The following DHX15 variants were observed in gnomAD, a reference collection of about 807,000 sequenced individuals.
DHX15 encodes DEAH-box helicase 15.
In DHX15, 11 loss-of-function variants were observed where a neutral mutation model predicts 94.4. The observed-to-expected ratio is 0.12, with a 90% CI of 0.07 to 0.19. The LOEUF is 0.19. Ranked by LOEUF, DHX15 falls within the 10% of genes least tolerant of loss-of-function variation. The pLI is 1.00. For synonymous variants in DHX15, 338 were observed against 329.9 expected, an observed-to-expected ratio of 1.02 and a Z score of -0.27; for missense variants, 304 against 988.5, an observed-to-expected ratio of 0.31 and a Z score of 9.29.
rs540256482 is a variant in DHX15 at position 24,549,255 on chromosome 4, T to C, written c.1081-233A>G. Reference sequence around the variant, plus strand: ...GAATATATAACTGCCTTATTTGCATTCCACACCCCTTTTCTTAGAGTCAGA... The same window carrying C: ...GAATATATAACTGCCTTATTTGCATCCCACACCCCTTTTCTTAGAGTCAGA... On this transcript the variant is annotated intron_variant, in intron 5 of 13. Transcript: ENST00000336812. Among the ~76,000 whole-genome samples the C allele has an allele frequency of 2.1e-3, 323 of 152,340 alleles. 3 individuals are homozygous for C. Among genetic ancestry groups the C allele is most frequent in the African/African-American group, 7.5e-3 (313 of 41,578 alleles).
At chr4:24,529,146 C>A (rs73246465) in intron 13 of DHX15, among the ~76,000 whole-genome samples, 3 of 152,078 alleles carry the variant, frequency 2.0e-5, no homozygotes, top group Non-Finnish European at 4.4e-5. Flanking sequence ...GCCCAGCTTC[C>A]CCAGTAGCTG....
At chr4:24,543,699 C>A (rs1016837036) in intron 6 of DHX15, among the ~76,000 whole-genome samples, 1 of 152,046 alleles carries the variant, frequency 6.6e-6, no homozygotes, top group African/African-American at 2.4e-5. Context: ...GTTTGGTATA[C>A]GTGCATGTTT....
At chr4:24,539,740 T>C (rs1343558072) in intron 10 of DHX15, 1 of 156,804 alleles carries the variant, frequency 6.4e-6, no homozygotes, top group Admixed American at 6.5e-5. Context: ...TTAATAGAGC[T>C]AAGTACTAGA....
At chr4:24,565,793 T>C (rs1721979217) in intron 3 of DHX15, among the ~76,000 whole-genome samples, 1 of 152,218 alleles carries the variant, frequency 6.6e-6, no homozygotes, top group African/African-American at 2.4e-5. Flanking sequence ...TGCTGACTGA[T>C]GCACCCCTAA....
chr4:24,562,628 C>T (rs890607773), intron 3 of DHX15, among the ~76,000 whole-genome samples: 1 of 152,212 alleles, frequency 6.6e-6, no homozygotes, highest in African/African-American at 2.4e-5. Flanking sequence ...ACACTCTTAA[C>T]TAGCCTCCAT....
At chr4:24,566,446 A>T (rs1721994257) in intron 3 of DHX15, among the ~76,000 whole-genome samples, 1 of 152,164 alleles carries the variant, frequency 6.6e-6, no homozygotes, top group South Asian at 2.1e-4. Flanking sequence ...GCACCAAAGA[A>T]TCCGCTATGG....
chr4:24,552,003 G>A (rs1347140345), intron 5 of DHX15, among the ~76,000 whole-genome samples: 1 of 152,184 alleles, frequency 6.6e-6, no homozygotes, highest in Non-Finnish European at 1.5e-5. Context: ...TCTCTAAAAT[G>A]TGGAAGAAAT....
chr4:24,541,214 A>G (rs1277804451), intron 8 of DHX15, among the ~76,000 whole-genome samples: 1 of 152,138 alleles, frequency 6.6e-6, no homozygotes, highest in Non-Finnish European at 1.5e-5. Flanking sequence ...CTGAACTCGC[A>G]ATTTCCATGG....
At position 24,527,719 on chromosome 4, in the gene DHX15, C is replaced by T. The variant is rs1166350829; in HGVS notation, c.*205G>A. 4.2e-6 allele frequency: 2 copies of T among 474,570 alleles called. No homozygotes were observed. The highest frequency in any genetic ancestry group is 3.9e-5 in the African/African-American group (2 of 51,946). 29.4% of individuals were successfully genotyped at this position (474,570 alleles called of 1,614,324 possible). On this transcript the variant is annotated 3_prime_UTR_variant, in exon 14 of 14. Coordinates refer to ENST00000336812, the MANE Select transcript of DHX15 (RefSeq NM_001358.3). Reference sequence around the variant, plus strand: ...ACTGCAAAACATTGATCGACTTTTCCAGTATGAGCTACAGTGTCAACACAA... The same window carrying T: ...ACTGCAAAACATTGATCGACTTTTCTAGTATGAGCTACAGTGTCAACACAA...
At chr4:24,534,071 G>C (rs575445940) in intron 11 of DHX15, 2 of 152,308 alleles carry the variant, frequency 1.3e-5, no homozygotes, top group East Asian at 3.9e-4. Context: ...TTAAGGATGG[G>C]TGAGGTGGAG....
At chr4:24,541,280 C>G (rs1721303553) in intron 8 of DHX15, among the ~76,000 whole-genome samples, 1 of 152,102 alleles carries the variant, frequency 6.6e-6, no homozygotes, top group South Asian at 2.1e-4. Flanking sequence ...AAAAATTCAT[C>G]AAGTTTAAAT....
At chr4:24,552,233 AAGAC>A (rs112468615) in intron 5 of DHX15, among the ~76,000 whole-genome samples, 8,151 of 150,340 alleles carry the variant, frequency 0.054, 331 homozygotes, top group African/African-American at 0.11. Flanking sequence ...ACTGAGAATA[AAGAC>A]AGACAGTTCA....
intron 3 of DHX15, among the ~76,000 whole-genome samples, chr4:24,567,342 G>A (rs1312344474): frequency 6.6e-6 from 1 of 152,146 alleles, no homozygotes; most frequent in Non-Finnish European, 1.5e-5. Flanking sequence ...ACTTTGGGAG[G>A]CAGAGGCGGG....
intron 6 of DHX15, among the ~76,000 whole-genome samples, chr4:24,547,921 A>C (rs747570156): frequency 5.4e-4 from 48 of 89,152 alleles, no homozygotes; most frequent in African/African-American, 9.2e-4. Flanking sequence ...ATATATATAT[A>C]TATATATATA....
chr4:24,549,536 G>A (rs1258349646), intron 5 of DHX15, among the ~76,000 whole-genome samples: 2 of 152,154 alleles, frequency 1.3e-5, no homozygotes, highest in African/African-American at 4.8e-5. Flanking sequence ...TAACCCAAAT[G>A]TCTTAGGCAG....
chr4:24,560,723 T>G (rs765011699), intron 3 of DHX15, among the ~76,000 whole-genome samples: 2 of 152,136 alleles, frequency 1.3e-5, no homozygotes, highest in African/African-American at 2.4e-5. Flanking sequence ...GAAACTAAGA[T>G]GCATTTTAAA....
chr4:24,545,464 T>C (rs1463769022), intron 6 of DHX15, among the ~76,000 whole-genome samples: 4 of 152,240 alleles, frequency 2.6e-5, no homozygotes, highest in Non-Finnish European at 4.4e-5. Flanking sequence ...AAATGATTTA[T>C]GCCAACTTGG....
Position 24,540,907 on chromosome 4 carries a change from T to C in DHX15, c.1527A>G (p.Ser509=). 1 of 1,609,406 alleles carries C rather than the reference T, an allele frequency of 6.2e-7. No homozygotes were observed. The highest frequency in any genetic ancestry group is 2.2e-5 in the East Asian group (1 of 44,668). The change falls in exon 9 of 14, where the codon TCA becomes TCG. Residue 509 remains serine (S), a synonymous_variant. Coordinates refer to ENST00000336812, the MANE Select transcript of DHX15 (RefSeq NM_001358.3). ...YPEILRSNLG[S]VVLQLKKLGI... ...CAAGTTTCTTCAATTGTAACACAAC[T>C]GATCCTAAATTAGAACGCAAAATCT... is the stretch of plus-strand genomic sequence containing the variant.
intron 9 of DHX15, 41 bp downstream of exon 9, chr4:24,540,799 G>A: frequency 1.8e-6 from 2 of 1,128,584 alleles, no homozygotes; most frequent in Non-Finnish European, 2.6e-6. Flanking sequence ...AGTCAATTTT[G>A]GTTAAAAGAT....
Sources: gnomAD v4.1 joint callset for allele counts (sites outside exome capture counted in the v4.1 genomes callset) on GRCh38, gnomAD v4.1.1 for gene constraint, MANE v1.5 for transcripts, NCBI Gene and HGNC (gene_info 2026-07-23, HGNC 2026-07-21) for gene names.